The following MTHFD1L variants were observed in gnomAD, a reference collection of about 807,000 sequenced individuals.
The protein encoded by MTHFD1L is methylenetetrahydrofolate dehydrogenase (NADP+ dependent) 1 like.
In MTHFD1L, 81 loss-of-function variants were observed where a neutral mutation model predicts 119.5. The observed-to-expected ratio is 0.68, with a 90% CI of 0.57 to 0.82. The LOEUF (loss-of-function observed/expected upper bound fraction) is 0.82. MTHFD1L is among the 40% of genes least tolerant of loss of function. The pLI is 0.00. For synonymous variants in MTHFD1L, 430 were observed against 475.2 expected, an observed-to-expected ratio of 0.90 and a Z score of 1.24; for missense variants, 1,125 against 1,253.4, an observed-to-expected ratio of 0.90 and a Z score of 1.55.
intron 10 of MTHFD1L, among the ~76,000 whole-genome samples, chr6:150,922,635 T>C (rs536801422): frequency 7.7e-4 from 83 of 107,302 alleles, no homozygotes; most frequent in African/African-American, 2.8e-3. Flanking sequence ...GGCAGTGTTT[T>C]CCCCCCCCAC....
chr6:151,007,693 A>G (rs1781601442), intron 20 of MTHFD1L, among the ~76,000 whole-genome samples: 3 of 152,182 alleles, frequency 2.0e-5, no homozygotes, highest in African/African-American at 4.8e-5. Context: ...GACTTTTGAC[A>G]AAAGTCACCC....
chr6:151,072,137 AT>A (rs917920036), intron 26 of MTHFD1L, among the ~76,000 whole-genome samples: 6 of 151,660 alleles, frequency 4.0e-5, no homozygotes, highest in African/African-American at 1.5e-4. Flanking sequence ...CTAGTACAGA[AT>A]TTTTTATGGC....
At chr6:150,979,811 T>C (rs1291450406) in intron 20 of MTHFD1L, among the ~76,000 whole-genome samples, 1 of 152,142 alleles carries the variant, frequency 6.6e-6, no homozygotes, top group East Asian at 1.9e-4. Context: ...AGGGGACAGT[T>C]TTATAATCAG....
chr6:150,996,788 A>G (rs571585291), intron 20 of MTHFD1L, among the ~76,000 whole-genome samples: 46 of 148,954 alleles, frequency 3.1e-4, no homozygotes, highest in East Asian at 2.5e-3. Flanking sequence ...AGGTTTGCCT[A>G]TGGACCCCTG....
intron 17 of MTHFD1L, among the ~76,000 whole-genome samples, chr6:150,956,881 T>C (rs1039223889): frequency 6.6e-6 from 1 of 151,900 alleles, no homozygotes; most frequent in African/African-American, 2.4e-5. Context: ...GAAACTTAAG[T>C]TCGTGGACCT....
intron 26 of MTHFD1L, among the ~76,000 whole-genome samples, chr6:151,069,477 C>T (rs927898183): frequency 2.6e-5 from 4 of 152,062 alleles, no homozygotes; most frequent in Admixed American, 2.6e-4. Context: ...TCTCTTCACC[C>T]CTCCTTACCC....
intron 26 of MTHFD1L, among the ~76,000 whole-genome samples, chr6:151,070,768 G>A (rs1442484482): frequency 2.6e-5 from 4 of 152,178 alleles, no homozygotes; most frequent in African/African-American, 9.6e-5. Flanking sequence ...TGATCTAGAA[G>A]AAAAGAGTTT....
intron 20 of MTHFD1L, 122 bp from the exon 21 acceptor site, chr6:151,009,697 C>A: frequency 8.6e-7 from 1 of 1,162,374 alleles, no homozygotes; most frequent in Non-Finnish European, 1.3e-6. Context: ...ATCAGTTCAC[C>A]TTTGTGTTGG....
At chr6:150,869,648 C>T (rs562490529) in intron 1 of MTHFD1L, among the ~76,000 whole-genome samples, 21 of 152,162 alleles carry the variant, frequency 1.4e-4, no homozygotes, top group African/African-American at 3.9e-4. Context: ...TGAGCCACCA[C>T]GCCTGGCTAT....
chr6:151,017,183 T>C (rs553037207), intron 24 of MTHFD1L, among the ~76,000 whole-genome samples: 1 of 152,262 alleles, frequency 6.6e-6, no homozygotes, highest in East Asian at 1.9e-4. Context: ...CTGTACCCAC[T>C]GAACAACTCC....
Position 151,050,459 on chromosome 6 carries a change from G to A in MTHFD1L, c.2847+13342G>A, listed in dbSNP as rs1286720077. Among the ~76,000 whole-genome samples the A allele has an allele frequency of 2.0e-5, 3 of 152,348 alleles. No homozygotes were observed. In the South Asian group the frequency reaches 6.2e-4, roughly 32 times the overall value. ...TTACAGGCGTGAGCCACCGTGCCTG[G>A]CCTGTAGTATCCTTTATAATAAACT... On this transcript the variant is annotated intron_variant, in intron 26 of 27. Coordinates refer to ENST00000367321, the MANE Select transcript of MTHFD1L (RefSeq NM_015440.5).
At chr6:150,964,578 T>C (rs1304122632) in intron 18 of MTHFD1L, among the ~76,000 whole-genome samples, 7 of 152,238 alleles carry the variant, frequency 4.6e-5, no homozygotes. Context: ...CAGAGCCTTG[T>C]TTCTGTTCTT....
At chr6:151,078,762 C>T (rs900911663) in intron 26 of MTHFD1L, among the ~76,000 whole-genome samples, 4 of 152,058 alleles carry the variant, frequency 2.6e-5, no homozygotes, top group Admixed American at 1.3e-4. Flanking sequence ...ATGAAGTGAC[C>T]TCCCTTCACT....
intron 11 of MTHFD1L, among the ~76,000 whole-genome samples, chr6:150,928,469 A>G (rs1018740979): frequency 6.7e-6 from 1 of 149,694 alleles, no homozygotes; most frequent in Non-Finnish European, 1.5e-5. Flanking sequence ...CACCTCTTTA[A>G]TGATATAGTG....
chr6:151,041,223 C>T (rs1197042605), intron 26 of MTHFD1L, among the ~76,000 whole-genome samples: 2 of 152,224 alleles, frequency 1.3e-5, no homozygotes, highest in African/African-American at 2.4e-5. Context: ...CAGGAAGCTG[C>T]ATGTGTAGTG....
In MTHFD1L at chr6:151,013,766, C is replaced by G. The variant is rs1006969005; in HGVS notation, c.2266-13C>G. Reference sequence around the variant, plus strand: ...TATAGGATTATTCTTCATGTTTTCTCTCCTTATTTCAGGTAACGGCTGGTG... The same window carrying G: ...TATAGGATTATTCTTCATGTTTTCTGTCCTTATTTCAGGTAACGGCTGGTG... On this transcript the variant is annotated splice_polypyrimidine_tract_variant and intron_variant, in intron 21 of 27. Coordinates refer to ENST00000367321, the MANE Select transcript of MTHFD1L (RefSeq NM_015440.5). 31 of 1,609,142 alleles carry G rather than the reference C, an allele frequency of 1.9e-5. No homozygotes were observed. Among genetic ancestry groups the G allele is most frequent in the Admixed American group, 1.7e-4 (10 of 59,930 alleles).
chr6:151,084,984 A>AT (rs1447677218), intron 26 of MTHFD1L, among the ~76,000 whole-genome samples: 155 of 102,844 alleles, frequency 1.5e-3, no homozygotes, highest in South Asian at 3.5e-3. Context: ...AAAAAAAAAA[A>AT]ATATATATAT....
At chr6:151,036,817 C>T (rs1786241493) in intron 25 of MTHFD1L, 148 bp from the exon 26 acceptor site, 2 of 742,540 alleles carry the variant, frequency 2.7e-6, no homozygotes, top group Non-Finnish European at 4.6e-6. Context: ...CTTGCTTCTT[C>T]AGTGAACAAG....
At chr6:150,991,722 G>A (rs1779090644) in intron 20 of MTHFD1L, among the ~76,000 whole-genome samples, 1 of 152,198 alleles carries the variant, frequency 6.6e-6, no homozygotes, top group Non-Finnish European at 1.5e-5. Flanking sequence ...GACATCTGGG[G>A]GAGATGAGTT....
Sources: allele counts gnomAD v4.1 joint callset (sites outside exome capture counted in the v4.1 genomes callset), GRCh38; gene constraint gnomAD v4.1.1; transcripts MANE v1.5; gene names NCBI Gene and HGNC (gene_info 2026-07-23, HGNC 2026-07-21).